The following NTN1 variants were observed in gnomAD, a reference collection of about 807,000 sequenced individuals.
NTN1 encodes netrin 1.
NTN1 carries 11 observed loss-of-function variants against 54.2 expected under a neutral mutation model. The observed-to-expected ratio is 0.20, with a 90% confidence interval of 0.13 to 0.34. NTN1 has a LOEUF of 0.34. NTN1 is among the 10% of genes least tolerant of loss of function. The pLI is 1.00. For missense variants in NTN1, 740 were observed against 893.1 expected, an observed-to-expected ratio of 0.83 and a Z score of 2.18; for synonymous variants, 371 against 382.0, an observed-to-expected ratio of 0.97 and a Z score of 0.33.
At chr17:9,122,760 G>A (rs4641781) in intron 2 of NTN1, among the ~76,000 whole-genome samples, 85,678 of 152,100 alleles carry the variant, frequency 0.56, 24,925 homozygotes, top group East Asian at 0.86. Flanking sequence ...TGGTGTGTCT[G>A]TTGCCTGGTG....
In NTN1 at chr17:9,112,006, G is replaced by A. The variant is rs770756209; in HGVS notation, c.1019-50807G>A. Among the ~76,000 whole-genome samples the A allele has an allele frequency of 1.3e-5, 2 of 152,236 alleles. 1 individual carries two copies. The highest frequency in any genetic ancestry group is 4.1e-4 in the South Asian group (2 of 4,832). ...TAAAATTCAGTGGTCAACGGCCATT[G>A]TGGATTTTCACATTTTTCATCTATT... On this transcript the variant is annotated intron_variant, in intron 2 of 6. Coordinates refer to ENST00000173229, the MANE Select transcript of NTN1 (RefSeq NM_004822.3).
At chr17:9,108,746 G>A (rs1214004554) in intron 2 of NTN1, among the ~76,000 whole-genome samples, 1 of 152,142 alleles carries the variant, frequency 6.6e-6, no homozygotes, top group Non-Finnish European at 1.5e-5. Context: ...CTGGCTGGTG[G>A]TCCTTTCTGT....
chr17:9,125,007 T>C (rs775821850), intron 2 of NTN1, among the ~76,000 whole-genome samples: 1 of 152,134 alleles, frequency 6.6e-6, no homozygotes, highest in Non-Finnish European at 1.5e-5. Flanking sequence ...TTAGTGTGTA[T>C]GTGTGTTTCT....
Position 9,116,856 on chromosome 17 carries a change from G to GA in NTN1, c.1019-45954dup, listed in dbSNP as rs200577025. Among the ~76,000 whole-genome samples, 1,395 of 152,330 alleles carry GA rather than the reference G, an allele frequency of 9.2e-3. 28 individuals are homozygous for GA. Among genetic ancestry groups the GA allele is most frequent in the African/African-American group, 0.032 (1,342 of 41,588 alleles). On this transcript the variant is annotated intron_variant, in intron 2 of 6. Transcript: ENST00000173229. ...AAGGTGGAGGCATATTCCACTCTAT[G>GA]AAAGGACGAGTATGGGATTGAAATA...
intron 5 of NTN1, among the ~76,000 whole-genome samples, chr17:9,214,706 C>T (rs1008690381): frequency 1.3e-5 from 2 of 152,198 alleles, no homozygotes; most frequent in African/African-American, 4.8e-5. Context: ...CCTGTAGTCC[C>T]AGCTACTCAG....
chr17:9,114,698 G>A (rs190345430), intron 2 of NTN1, among the ~76,000 whole-genome samples: 49 of 152,318 alleles, frequency 3.2e-4, no homozygotes, highest in African/African-American at 1.1e-3. Context: ...AGGTTGCAGC[G>A]AGCCGAGATT....
intron 2 of NTN1, among the ~76,000 whole-genome samples, chr17:9,122,476 A>T (rs930665251): frequency 3.3e-5 from 5 of 152,004 alleles, no homozygotes; most frequent in Non-Finnish European, 5.9e-5. Context: ...GCTCCTCTTA[A>T]CCAGATTAAA....
chr17:9,213,650 A>G (rs540510758), intron 5 of NTN1, among the ~76,000 whole-genome samples: 7 of 152,328 alleles, frequency 4.6e-5, no homozygotes, highest in Admixed American at 2.0e-4. Flanking sequence ...TAAAGTTGCA[A>G]AATGGTCCAT....
chr17:9,088,459 G>T (rs922793832), intron 2 of NTN1, among the ~76,000 whole-genome samples: 3 of 152,090 alleles, frequency 2.0e-5, no homozygotes. Context: ...GGCCTTAGGT[G>T]TCCTCTGAGG....
chr17:9,062,908 G>A (rs1234180042), intron 2 of NTN1, among the ~76,000 whole-genome samples: 3 of 152,068 alleles, frequency 2.0e-5, no homozygotes, highest in African/African-American at 7.2e-5. Context: ...ACAGGATTGT[G>A]GGAAACATTT....
At chr17:9,199,012 G>A (rs758794712) in intron 5 of NTN1, among the ~76,000 whole-genome samples, 20 of 152,148 alleles carry the variant, frequency 1.3e-4, no homozygotes, top group Non-Finnish European at 2.5e-4. Flanking sequence ...ATACCACCAC[G>A]GCTGCACCCA....
the NTN1 span, among the ~76,000 whole-genome samples, chr17:9,003,269 G>A: frequency 6.6e-6 from 1 of 151,688 alleles, no homozygotes; most frequent in Non-Finnish European, 1.5e-5. This position sits in a 1 kb window ranked among gnomAD's most constrained non-coding sequence, Gnocchi z 7.4. Flanking sequence ...TGAAGGCCTC[G>A]GAGGGCAGCT....
rs1051674491 is a variant in NTN1 at position 9,203,226 on chromosome 17, C to G, written c.1412-17942C>G. ...GTGAGCCACCATGCCCGGCTGGTTT[C>G]ATAATTTTCTGCCTCTTCTTTGCCC... On this transcript the variant is annotated intron_variant, in intron 5 of 6. Coordinates refer to ENST00000173229, the MANE Select transcript of NTN1 (RefSeq NM_004822.3). Among the ~76,000 whole-genome samples, 5 of 152,192 alleles carry G rather than the reference C, an allele frequency of 3.3e-5. 1 individual carries two copies. The highest frequency in any genetic ancestry group is 1.2e-4 in the African/African-American group (5 of 41,558).
At chr17:9,015,126 C>G in the NTN1 span, among the ~76,000 whole-genome samples, 42,078 of 152,128 alleles carry the variant, frequency 0.28, 5,924 homozygotes, top group South Asian at 0.38. Context: ...AAAAGGAAAA[C>G]TCAGCCAGGC....
intron 2 of NTN1, among the ~76,000 whole-genome samples, chr17:9,039,014 A>AT (rs1364678080): frequency 1.3e-5 from 2 of 152,154 alleles, no homozygotes; most frequent in African/African-American, 4.8e-5. Flanking sequence ...GAGAAACATC[A>AT]TTTTTTGTCA....
rs1906280408 is a variant in NTN1 at position 9,243,169 on chromosome 17, G to C, written c.*3201G>C. 6.6e-6 allele frequency: 1 copy of C among 152,180 alleles called. No individual in the cohort carries two copies. The highest frequency in any genetic ancestry group is 1.5e-5 in the Non-Finnish European group (1 of 68,050). The allele number at this position is 152,180 out of a possible 1,614,324, so 9.4% of individuals were successfully genotyped here. A position where few individuals can be genotyped will look rare whatever the true frequency, so the allele number is the denominator to read the frequency against. ...GGCTGTCCCCGGGATTCACCTGCTGGCTGTGGTCTCTGCCCACTGCTTCTG... is the reference window on the plus strand; with the variant it reads ...GGCTGTCCCCGGGATTCACCTGCTGCCTGTGGTCTCTGCCCACTGCTTCTG... On this transcript the variant is annotated 3_prime_UTR_variant, in exon 7 of 7. Transcript: ENST00000173229.
intron 2 of NTN1, among the ~76,000 whole-genome samples, chr17:9,082,654 G>C (rs2092075519): frequency 6.6e-6 from 1 of 152,012 alleles, no homozygotes; most frequent in South Asian, 2.1e-4. Context: ...GAGAGGATAG[G>C]AGGTCTGCGT....
intron 2 of NTN1, among the ~76,000 whole-genome samples, chr17:9,054,287 T>A (rs1446314702): frequency 2.0e-5 from 3 of 152,246 alleles, no homozygotes; most frequent in African/African-American, 7.2e-5. Context: ...AGAGCCGAGA[T>A]GTTAACTTCA....
chr17:9,095,346 G>A (rs2092127714), intron 2 of NTN1, among the ~76,000 whole-genome samples: 1 of 152,132 alleles, frequency 6.6e-6, no homozygotes, highest in African/African-American at 2.4e-5. Context: ...TTCAATAAGA[G>A]GTTATAAGAT....
Sources: gnomAD v4.1 joint callset for allele counts (sites outside exome capture counted in the v4.1 genomes callset) on GRCh38, gnomAD v4.1.1 for gene constraint, Gnocchi (gnomAD v3.1) non-coding constraint, MANE v1.5 for transcripts, NCBI Gene and HGNC (gene_info 2026-07-23, HGNC 2026-07-21) for gene names.